The following PDE2A variants were observed in gnomAD, a reference collection of about 807,000 sequenced individuals.
The protein encoded by PDE2A is cGMP-dependent 3',5'-cyclic phosphodiesterase.
A neutral mutation model predicts 133.6 loss-of-function variants in PDE2A; 53 were observed. The ratio of observed to expected loss-of-function variants is 0.40; its 90% confidence interval spans 0.32 to 0.50. The LOEUF is 0.50. Among genes scored for constraint, PDE2A ranks in the 20% least tolerant of loss-of-function variants. PDE2A has a pLI of 0.73. For synonymous variants in PDE2A, 491 were observed against 490.2 expected, an observed-to-expected ratio of 1.00 and a Z score of -0.02; for missense variants, 796 against 1,232.4, an observed-to-expected ratio of 0.65 and a Z score of 5.30.
intron 2 of PDE2A, among the ~76,000 whole-genome samples, chr11:72,627,122 C>T (rs569264713): frequency 6.6e-6 from 1 of 152,308 alleles, no homozygotes; most frequent in East Asian, 1.9e-4. Flanking sequence ...CTTCTTGGAA[C>T]TACTCCAGCC....
intron 2 of PDE2A, among the ~76,000 whole-genome samples, chr11:72,629,194 G>A (rs752110350): frequency 3.3e-4 from 51 of 152,246 alleles, no homozygotes; most frequent in Non-Finnish European, 5.7e-4. Flanking sequence ...GCCGACCCAG[G>A]GAAGCCTCAT....
intron 2 of PDE2A, among the ~76,000 whole-genome samples, chr11:72,635,483 C>T (rs1394068067): frequency 6.6e-6 from 1 of 152,208 alleles, no homozygotes; most frequent in Non-Finnish European, 1.5e-5. Flanking sequence ...ATCTCTAGCT[C>T]CTAGAGCCTC....
intron 2 of PDE2A, among the ~76,000 whole-genome samples, chr11:72,615,796 C>T (rs1454321507): frequency 2.0e-5 from 3 of 152,176 alleles, no homozygotes; most frequent in Non-Finnish European, 4.4e-5. Flanking sequence ...CGAGGCAGCT[C>T]GCGGCAGTCA....
chr11:72,590,624 G>T lies in PDE2A; in HGVS notation c.550-44C>A. 1.5e-6 allele frequency: 2 copies of T among 1,330,246 alleles called. No homozygotes were observed. The highest frequency in any genetic ancestry group is 1.9e-6 in the Non-Finnish European group (2 of 1,044,388). 82.4% of individuals were successfully genotyped at this position (1,330,246 alleles called of 1,614,324 possible). A position where few individuals can be genotyped will look rare whatever the true frequency, so the allele number is the denominator to read the frequency against. ...TTAGCGCGCCGCTCGCCCCAAGCTCGCTGCGCTTGCTGCAGCGGGATTCCT... is the reference window on the plus strand; with the variant it reads ...TTAGCGCGCCGCTCGCCCCAAGCTCTCTGCGCTTGCTGCAGCGGGATTCCT... On this transcript the variant is annotated intron_variant, in intron 7 of 30. Coordinates refer to ENST00000334456, the MANE Select transcript of PDE2A (RefSeq NM_002599.5). The surrounding 1 kb of genome is among the most constrained non-coding windows in gnomAD (Gnocchi z 4.8).
chr11:72,619,052 G>GCACACA (rs141623815), intron 2 of PDE2A, among the ~76,000 whole-genome samples: 1 of 150,542 alleles, frequency 6.6e-6, no homozygotes, highest in Admixed American at 6.6e-5. Context: ...CACAGCGTGC[G>GCACACA]CACACACACA....
chr11:72,630,972 T>C (rs1858350176), intron 2 of PDE2A: 3 of 899,382 alleles, frequency 3.3e-6, no homozygotes, highest in Middle Eastern at 2.4e-4. Flanking sequence ...GGGATGTGAC[T>C]CCAGCCTCCC....
At chr11:72,582,970 A>G (rs1855790089) in intron 20 of PDE2A, among the ~76,000 whole-genome samples, 1 of 152,166 alleles carries the variant, frequency 6.6e-6, no homozygotes, top group South Asian at 2.1e-4. Context: ...GTTTGGACAC[A>G]GGTGAGAGGA....
intron 1 of PDE2A, among the ~76,000 whole-genome samples, chr11:72,662,403 A>G (rs1299261299): frequency 6.6e-6 from 1 of 152,222 alleles, no homozygotes; most frequent in Non-Finnish European, 1.5e-5. Context: ...GGCTCTGGAC[A>G]GCAAGAAGGA....
chr11:72,666,498 T>C lies in PDE2A; in HGVS notation c.71+7639A>G, dbSNP rs1389592688. ...CCTGAGACTGAACACAAAGCCTGAC[T>C]CTGGCCCAGAGTCCCCTGAAGGAAG... On this transcript the variant is annotated intron_variant, in intron 1 of 30. Coordinates refer to ENST00000334456, the MANE Select transcript of PDE2A (RefSeq NM_002599.5). Among the ~76,000 whole-genome samples the C allele has an allele frequency of 3.3e-5, 5 of 152,010 alleles. No individual in the cohort carries two copies. The South Asian group carries it at 6.2e-4, about 19-fold the overall frequency.
intron 19 of PDE2A, 35 bp downstream of exon 19, chr11:72,584,166 A>AAAACCCCCCAACCC: frequency 1.3e-6 from 1 of 777,840 alleles, no homozygotes; most frequent in Non-Finnish European, 2.0e-6. Flanking sequence ...CCCGCCCCCT[A>AAAACCCCCCAACCC]TCACCCCACA....
At chr11:72,588,619 G>A (rs1312805982) in intron 13 of PDE2A, among the ~76,000 whole-genome samples, 165 bp downstream of exon 13, 1 of 152,204 alleles carries the variant, frequency 6.6e-6, no homozygotes, top group South Asian at 2.1e-4. Context: ...GAACTAGCTT[G>A]GACCTCAACA....
intron 2 of PDE2A, among the ~76,000 whole-genome samples, chr11:72,611,318 G>T (rs957537306): frequency 6.6e-6 from 1 of 152,166 alleles, no homozygotes; most frequent in African/African-American, 2.4e-5. Context: ...AGCAGAGCCA[G>T]GTCCAGAACC....
intron 1 of PDE2A, chr11:72,658,019 G>A (rs1032056586): frequency 2.2e-6 from 1 of 456,142 alleles, no homozygotes; most frequent in African/African-American, 2.0e-5. Context: ...CCTTCTCCTG[G>A]CAGGCATGTA....
chr11:72,603,191 C>G (rs1371181857), intron 4 of PDE2A, among the ~76,000 whole-genome samples: 1 of 152,244 alleles, frequency 6.6e-6, no homozygotes, highest in African/African-American at 2.4e-5. Flanking sequence ...CCTGGCCCTC[C>G]TCCTGGAATC....
chr11:72,614,579 C>T (rs192153703), intron 2 of PDE2A, among the ~76,000 whole-genome samples: 91 of 152,306 alleles, frequency 6.0e-4, no homozygotes, highest in African/African-American at 2.1e-3. Context: ...GTTTCTGATA[C>T]AGTAGGTCTG....
At chr11:72,592,179 T>C (rs535160382) in intron 6 of PDE2A, among the ~76,000 whole-genome samples, 1 of 152,080 alleles carries the variant, frequency 6.6e-6, no homozygotes, top group South Asian at 2.1e-4. Context: ...TGAGAGACGG[T>C]GGGGAGGGAG....
intron 2 of PDE2A, among the ~76,000 whole-genome samples, chr11:72,640,417 A>ACACACT (rs1858903992): frequency 6.6e-6 from 1 of 151,652 alleles, no homozygotes; most frequent in Non-Finnish European, 1.5e-5. Context: ...GCACGCACAC[A>ACACACT]CACACACTCA....
intron 1 of PDE2A, among the ~76,000 whole-genome samples, chr11:72,648,779 G>A (rs1394390599): frequency 6.6e-6 from 1 of 152,076 alleles, no homozygotes; most frequent in East Asian, 1.9e-4. Flanking sequence ...AGGCTGCCCT[G>A]GGCCACAGAA....
chr11:72,596,503 C>CAA (rs1472152988), intron 6 of PDE2A, 90 bp downstream of exon 6: 229 of 560,006 alleles, frequency 4.1e-4, no homozygotes, highest in Non-Finnish European at 5.7e-4. Flanking sequence ...CACACACACA[C>CAA]ACACACACAC....
Sources: gnomAD v4.1 joint callset for allele counts (sites outside exome capture counted in the v4.1 genomes callset) on GRCh38, gnomAD v4.1.1 for gene constraint, Gnocchi (gnomAD v3.1) non-coding constraint, MANE v1.5 for transcripts, NCBI Gene and HGNC (gene_info 2026-07-23, HGNC 2026-07-21) for gene names.